The following SLC30A8 variants were observed in gnomAD, a reference collection of about 807,000 sequenced individuals.
The protein encoded by SLC30A8 is solute carrier family 30 member 8.
A neutral mutation model predicts 36.9 loss-of-function variants in SLC30A8; 27 were observed. That is an observed-to-expected ratio of 0.73 (90% CI 0.54 to 1.01). The LOEUF is 1.01. SLC30A8 is among the 50% of genes least tolerant of loss of function. The probability of loss-of-function intolerance (pLI) is 0.00; values close to 1 mark genes in which losing one functional copy is unlikely to be tolerated. For synonymous variants in SLC30A8, 164 were observed against 172.4 expected, an observed-to-expected ratio of 0.95 and a Z score of 0.38; for missense variants, 439 against 452.0, an observed-to-expected ratio of 0.97 and a Z score of 0.26.
At chr8:117,149,054 C>G (rs539478974) in intron 2 of SLC30A8, among the ~76,000 whole-genome samples, 4 of 152,038 alleles carry the variant, frequency 2.6e-5, no homozygotes, top group Admixed American at 2.6e-4. Flanking sequence ...TTGTGTGTTT[C>G]GTGTTTTTAT....
Position 117,002,255 on chromosome 8 carries a change from G to A in SLC30A8, c.-265-36964G>A, listed in dbSNP as rs147514041. On this transcript the variant is annotated intron_variant, in intron 1 of 10. Transcript: ENST00000427715. ...AATTTCATCACATTTACCATTTTTT[G>A]ACTTAGATCATTGCCAAGAGCAAGA... Among the ~76,000 whole-genome samples, 480 of 152,170 alleles carry A rather than the reference G, an allele frequency of 3.2e-3. 2 individuals carry two copies. Among genetic ancestry groups the A allele is most frequent in the African/African-American group, 0.011 (443 of 41,526 alleles).
chr8:117,070,354 A>G (rs1586467175), intron 2 of SLC30A8, among the ~76,000 whole-genome samples: 1 of 152,104 alleles, frequency 6.6e-6, no homozygotes, highest in Non-Finnish European at 1.5e-5. Flanking sequence ...GTTGGTGCTG[A>G]CCACCCACAA....
chr8:117,078,204 A>G (rs922882062), intron 2 of SLC30A8, among the ~76,000 whole-genome samples: 1 of 152,218 alleles, frequency 6.6e-6, no homozygotes, highest in African/African-American at 2.4e-5. Context: ...AATTAGCAGG[A>G]TATTTTTCTT....
At chr8:117,051,744 C>T (rs1169574785) in intron 2 of SLC30A8, among the ~76,000 whole-genome samples, 2 of 151,872 alleles carry the variant, frequency 1.3e-5, no homozygotes, top group Admixed American at 1.3e-4. Context: ...ACCCGGGGGG[C>T]GGAGCTTGCA....
chr8:117,093,447 C>G (rs1432389669), intron 2 of SLC30A8, among the ~76,000 whole-genome samples: 1 of 151,816 alleles, frequency 6.6e-6, no homozygotes, highest in Non-Finnish European at 1.5e-5. Flanking sequence ...GTATTTCTCT[C>G]CCATTGCCCC....
chr8:117,027,553 C>T (rs1026226598), intron 1 of SLC30A8, among the ~76,000 whole-genome samples: 1 of 151,994 alleles, frequency 6.6e-6, no homozygotes, highest in Non-Finnish European at 1.5e-5. Context: ...ATTGTTGACT[C>T]CCACAGTGCT....
chr8:117,008,189 AG>A (rs1348593665), intron 1 of SLC30A8, among the ~76,000 whole-genome samples: 1 of 152,224 alleles, frequency 6.6e-6, no homozygotes, highest in East Asian at 1.9e-4. Context: ...TAAATAACTT[AG>A]TATAAATTTT....
intron 2 of SLC30A8, among the ~76,000 whole-genome samples, chr8:117,097,711 TAA>T (rs1491231996): frequency 2.6e-5 from 1 of 37,892 alleles, no homozygotes; most frequent in Non-Finnish European, 3.6e-5. Context: ...TAATTTTAAA[TAA>T]TATATATTAT....
At chr8:116,979,238 C>CAAAAAAAAAA (rs67998633) in intron 1 of SLC30A8, among the ~76,000 whole-genome samples, 1 of 64,284 alleles carries the variant, frequency 1.6e-5, no homozygotes, top group Non-Finnish European at 2.8e-5. Context: ...GACCCTGTCT[C>CAAAAAAAAAA]AAAAAAAAAA....
At chr8:117,010,213 A>G (rs185186936) in intron 1 of SLC30A8, among the ~76,000 whole-genome samples, 2 of 152,344 alleles carry the variant, frequency 1.3e-5, no homozygotes, top group East Asian at 3.9e-4. Flanking sequence ...AAACTGAGGC[A>G]AAGCGGTTAG....
At chr8:117,080,069 G>C (rs1239469544) in intron 2 of SLC30A8, among the ~76,000 whole-genome samples, 3 of 152,112 alleles carry the variant, frequency 2.0e-5, no homozygotes, top group African/African-American at 7.2e-5. Context: ...AGCGAACTCA[G>C]AATTTTCTTT....
intron 2 of SLC30A8, among the ~76,000 whole-genome samples, chr8:117,109,850 G>C (rs901064061): frequency 3.9e-5 from 6 of 152,126 alleles, no homozygotes; most frequent in African/African-American, 1.4e-4. Context: ...ACACACTTTT[G>C]AGGGGATGAT....
At chr8:117,057,174 T>TCTCA (rs539697182) in intron 2 of SLC30A8, among the ~76,000 whole-genome samples, 103 of 152,292 alleles carry the variant, frequency 6.8e-4, no homozygotes, top group African/African-American at 2.4e-3. Context: ...GATGGCATCT[T>TCTCA]CTGTGTCCTC....
chr8:116,962,287 C>T (rs1049349572), intron 1 of SLC30A8, among the ~76,000 whole-genome samples: 2 of 152,068 alleles, frequency 1.3e-5, no homozygotes, highest in Middle Eastern at 3.4e-3. Flanking sequence ...CCTTATAGAG[C>T]AGTAACTAAC....
intron 2 of SLC30A8, among the ~76,000 whole-genome samples, chr8:117,092,107 A>T (rs917887130): frequency 1.2e-4 from 18 of 152,198 alleles, no homozygotes; most frequent in African/African-American, 3.6e-4. Flanking sequence ...GAAGGGAGAA[A>T]GTATTGGTAG....
At chr8:116,952,908 T>C (rs1171102571) in intron 1 of SLC30A8, among the ~76,000 whole-genome samples, 1 of 152,076 alleles carries the variant, frequency 6.6e-6, no homozygotes, top group Non-Finnish European at 1.5e-5. Flanking sequence ...GGGGTATATG[T>C]GCAGATTCTT....
Position 116,961,712 on chromosome 8 carries a change from A to G in SLC30A8, c.-266+10593A>G, listed in dbSNP as rs563568682. 8.6e-4 allele frequency among the ~76,000 whole-genome samples: 131 copies of G among 152,030 alleles called. 3 individuals are homozygous for G. The highest frequency in any genetic ancestry group is 1.5e-3 in the Non-Finnish European group (102 of 67,932). The stretch of plus-strand genomic sequence containing the variant: ...TCTGGGGAGGGCCTTGCTGCATACT[A>G]TGGAGGGGAAGAATGCTATGTCCTG... On this transcript the variant is annotated intron_variant, in intron 1 of 10. Transcript: ENST00000427715.
intron 1 of SLC30A8, among the ~76,000 whole-genome samples, 187 bp downstream of exon 1, chr8:117,135,585 T>C (rs1043599706): frequency 8.6e-5 from 13 of 152,006 alleles, no homozygotes; most frequent in African/African-American, 2.9e-4. Context: ...GTTGATTTGA[T>C]TCCTTAAATA....
In SLC30A8 at chr8:117,015,536, ACCC is replaced by A. The variant is rs35601596; in HGVS notation, c.-265-23673_-265-23671del. On this transcript the variant is annotated intron_variant, in intron 1 of 10. Coordinates refer to the SLC30A8 transcript ENST00000427715. ...AGTAATAAATTAGATGCTATTATGC[ACCC>A]CCCCCCCCCAAAAAAAAGAGGGCGA... Among the ~76,000 whole-genome samples, 571 of 141,670 alleles carry A rather than the reference ACCC, an allele frequency of 4.0e-3. 5 individuals carry two copies. The highest frequency in any genetic ancestry group is 9.5e-3 in the African/African-American group (380 of 40,076). The allele number at this position is 141,670 out of a possible 152,430, so 92.9% of individuals were successfully genotyped here.
Sources: allele counts gnomAD v4.1 joint callset (sites outside exome capture counted in the v4.1 genomes callset), GRCh38; gene constraint gnomAD v4.1.1; transcripts MANE v1.5; gene names NCBI Gene and HGNC (gene_info 2026-07-23, HGNC 2026-07-21).